Variants in KHDRBS2 observed in about 807,000 individuals in gnomAD.
KHDRBS2 encodes KH domain-containing, RNA-binding, signal transduction-associated protein 2.
Under a neutral mutation model 44.3 loss-of-function variants are expected in KHDRBS2, and 26 were observed. That is an observed-to-expected ratio of 0.59 (90% CI 0.43 to 0.81). The LOEUF is 0.81. KHDRBS2 is among the 40% of genes least tolerant of loss of function. KHDRBS2 has a pLI of 0.00. For missense variants in KHDRBS2, 476 were observed against 433.1 expected (o/e 1.10, Z -0.88); for synonymous variants, 194 against 151.1 (o/e 1.28, Z -2.08).
chr6:62,263,214 C>CA (rs557984845), intron 1 of KHDRBS2, among the ~76,000 whole-genome samples: 7 of 151,740 alleles, frequency 4.6e-5, no homozygotes, highest in Non-Finnish European at 7.4e-5. Flanking sequence ...GAAATTTTCA[C>CA]AAAAAATACC....
chr6:61,904,326 A>C (rs187547682), intron 4 of KHDRBS2, among the ~76,000 whole-genome samples: 18 of 152,294 alleles, frequency 1.2e-4, no homozygotes, highest in Admixed American at 1.0e-3. Flanking sequence ...AAATCTACTA[A>C]CATGGAGGGG....
At chr6:62,008,149 G>T (rs1779609720) in intron 3 of KHDRBS2, among the ~76,000 whole-genome samples, 1 of 152,118 alleles carries the variant, frequency 6.6e-6, no homozygotes, top group Non-Finnish European at 1.5e-5. Flanking sequence ...CATTAAGGAA[G>T]AAATAATGCT....
rs115823379 is a variant in KHDRBS2 at position 61,999,431 on chromosome 6, C to T, written c.337-21219G>A. On this transcript the variant is annotated intron_variant, in intron 3 of 8. Coordinates refer to ENST00000281156, the MANE Select transcript of KHDRBS2 (RefSeq NM_152688.4). Reference sequence around the variant, plus strand: ...CAAGCATCATTATCATGAGTAATAACGCTGATATAACTTAAAGTTGTTTTC... The same window carrying T: ...CAAGCATCATTATCATGAGTAATAATGCTGATATAACTTAAAGTTGTTTTC... 8.7e-4 allele frequency among the ~76,000 whole-genome samples: 133 copies of T among 152,134 alleles called. 1 individual carries two copies. Among genetic ancestry groups the T allele is most frequent in the African/African-American group, 2.7e-3 (111 of 41,546 alleles).
At chr6:62,189,340 T>A (rs139184488) in intron 1 of KHDRBS2, among the ~76,000 whole-genome samples, 44 of 151,816 alleles carry the variant, frequency 2.9e-4, no homozygotes, top group African/African-American at 1.1e-3. Context: ...TTTTTTAAAT[T>A]TTTTATTTTA....
the KHDRBS2 span, among the ~76,000 whole-genome samples, chr6:61,642,784 G>C: frequency 5.9e-5 from 9 of 152,066 alleles, no homozygotes; most frequent in Non-Finnish European, 1.3e-4. Flanking sequence ...CAACAAATAT[G>C]TTCTAATCCA....
At chr6:61,796,252 CT>C (rs1420477474) in intron 6 of KHDRBS2, among the ~76,000 whole-genome samples, 2 of 151,780 alleles carry the variant, frequency 1.3e-5, no homozygotes, top group African/African-American at 4.8e-5. Context: ...TGTTATTTAA[CT>C]CTTTTCTTTC....
chr6:62,262,434 C>CA (rs1838502398), intron 1 of KHDRBS2, among the ~76,000 whole-genome samples: 1 of 151,714 alleles, frequency 6.6e-6, no homozygotes, highest in African/African-American at 2.4e-5. Context: ...GTCAGCCAAA[C>CA]CATTTGAGGT....
chr6:61,851,862 T>A (rs1048549683), intron 6 of KHDRBS2, among the ~76,000 whole-genome samples: 4 of 152,240 alleles, frequency 2.6e-5, no homozygotes, highest in African/African-American at 9.6e-5. Context: ...GATATCAATA[T>A]GCAATTTATA....
the KHDRBS2 span, among the ~76,000 whole-genome samples, chr6:61,630,888 C>T: frequency 1.3e-5 from 2 of 152,154 alleles, no homozygotes; most frequent in Non-Finnish European, 2.9e-5. Context: ...TCTGCATACG[C>T]TATTTGTCTC....
At chr6:61,571,470 C>T in the KHDRBS2 span, among the ~76,000 whole-genome samples, 8 of 151,886 alleles carry the variant, frequency 5.3e-5, no homozygotes, top group Non-Finnish European at 1.2e-4. Flanking sequence ...GCAATAATAA[C>T]AAGGGACTTT....
chr6:62,213,981 G>A (rs1829561187), intron 1 of KHDRBS2, among the ~76,000 whole-genome samples: 1 of 146,840 alleles, frequency 6.8e-6, no homozygotes, highest in South Asian at 2.3e-4. Context: ...AGAAATACAT[G>A]ATGATAAAAT....
chr6:61,593,827 T>C, the KHDRBS2 span, among the ~76,000 whole-genome samples: 1 of 152,104 alleles, frequency 6.6e-6, no homozygotes, highest in Non-Finnish European at 1.5e-5. Context: ...CATTCTTTAC[T>C]TACTGCAAGG....
chr6:61,753,258 T>C (rs1200727417), intron 6 of KHDRBS2, among the ~76,000 whole-genome samples: 3 of 152,120 alleles, frequency 2.0e-5, no homozygotes, highest in Non-Finnish European at 4.4e-5. Context: ...GCCATCTCTG[T>C]AGCTGCTTTG....
At chr6:62,219,957 T>A (rs1000074183) in intron 1 of KHDRBS2, among the ~76,000 whole-genome samples, 1 of 148,012 alleles carries the variant, frequency 6.8e-6, no homozygotes, top group Non-Finnish European at 1.5e-5. Context: ...TATAACTGTA[T>A]ATACTATCTG....
At chr6:62,083,796 T>C (rs527395114) in intron 2 of KHDRBS2, among the ~76,000 whole-genome samples, 1 of 152,312 alleles carries the variant, frequency 6.6e-6, no homozygotes, top group Admixed American at 6.5e-5. Flanking sequence ...GCAGCTTCAG[T>C]AGCAAACTAT....
intron 3 of KHDRBS2, among the ~76,000 whole-genome samples, chr6:62,013,511 T>C (rs1346205959): frequency 6.9e-6 from 1 of 145,632 alleles, no homozygotes; most frequent in Non-Finnish European, 1.5e-5. Flanking sequence ...TTTAGCAAAA[T>C]TTTAATAATT....
chr6:61,777,719 G>C (rs1782307206), intron 6 of KHDRBS2, among the ~76,000 whole-genome samples: 1 of 152,100 alleles, frequency 6.6e-6, no homozygotes, highest in South Asian at 2.1e-4. Context: ...GTTTGGGAAA[G>C]AGCATAAAAA....
intron 2 of KHDRBS2, among the ~76,000 whole-genome samples, chr6:62,103,956 C>T (rs1802521908): frequency 6.6e-6 from 1 of 152,012 alleles, no homozygotes; most frequent in Non-Finnish European, 1.5e-5. Flanking sequence ...CTATAAGAAA[C>T]ATAAGGTCAT....
At chr6:61,851,289 G>T (rs572484431) in intron 6 of KHDRBS2, among the ~76,000 whole-genome samples, 2 of 151,942 alleles carry the variant, frequency 1.3e-5, no homozygotes, top group Non-Finnish European at 2.9e-5. Context: ...GTATATGTGT[G>T]TGTGTGTATA....
Sources: allele counts gnomAD v4.1 joint callset (sites outside exome capture counted in the v4.1 genomes callset), GRCh38; gene constraint gnomAD v4.1.1; transcripts MANE v1.5; gene names NCBI Gene and HGNC (gene_info 2026-07-23, HGNC 2026-07-21).